KIF6: variants seen among roughly 807,000 people sequenced by gnomAD.
The protein encoded by KIF6 is kinesin-like protein KIF6.
A neutral mutation model predicts 112.7 loss-of-function variants in KIF6; 106 were observed. The ratio of observed to expected loss-of-function variants is 0.94; its 90% CI spans 0.80 to 1.11. KIF6 has a LOEUF of 1.11. Ranked by LOEUF, KIF6 falls within the 50% of genes least tolerant of loss-of-function variation. The probability of loss-of-function intolerance (pLI) is 0.00; values close to 1 mark genes in which losing one functional copy is unlikely to be tolerated. For synonymous variants in KIF6, 339 were observed against 339.9 expected, an observed-to-expected ratio of 1.00 and a Z score of 0.03; for missense variants, 929 against 964.0, an observed-to-expected ratio of 0.96 and a Z score of 0.48.
At chr6:39,651,163 G>A (rs1785447739) in intron 3 of KIF6, among the ~76,000 whole-genome samples, 1 of 152,204 alleles carries the variant, frequency 6.6e-6, no homozygotes, top group Admixed American at 6.5e-5. Flanking sequence ...TAATTAGAGA[G>A]GCCAAGTGAG....
intron 19 of KIF6, among the ~76,000 whole-genome samples, chr6:39,348,233 C>A (rs1311805799): frequency 6.6e-6 from 1 of 152,196 alleles, no homozygotes. Flanking sequence ...TCAGTGGCTT[C>A]CCAGTGGAGC....
chr6:39,411,851 G>A (rs143640873), intron 15 of KIF6, among the ~76,000 whole-genome samples: 535 of 152,326 alleles, frequency 3.5e-3, no homozygotes, highest in Middle Eastern at 0.014. Context: ...AACTAATCTA[G>A]CTTGTTTCCT....
chr6:39,566,734 C>T (rs974170496), intron 10 of KIF6, among the ~76,000 whole-genome samples: 1 of 152,132 alleles, frequency 6.6e-6, no homozygotes, highest in Admixed American at 6.5e-5. Flanking sequence ...ACATATATTG[C>T]ACAATAAATT....
chr6:39,718,737 G>GAAA (rs752779166), intron 2 of KIF6, among the ~76,000 whole-genome samples: 1 of 86,182 alleles, frequency 1.2e-5, no homozygotes, highest in Non-Finnish European at 2.5e-5. Flanking sequence ...ACCTGTCTTA[G>GAAA]AAAAAAAAAA....
intron 6 of KIF6, among the ~76,000 whole-genome samples, chr6:39,598,117 G>A (rs1256875923): frequency 1.4e-4 from 21 of 152,152 alleles, no homozygotes; most frequent in Admixed American, 1.4e-3. Flanking sequence ...AACCCCGGAG[G>A]CAGAGGTTGC....
At chr6:39,500,131 T>A (rs1271281654) in intron 13 of KIF6, among the ~76,000 whole-genome samples, 1 of 152,164 alleles carries the variant, frequency 6.6e-6, no homozygotes, top group African/African-American at 2.4e-5. Context: ...TGTGCTGTAC[T>A]TGAAGTATAA....
chr6:39,483,916 T>C (rs928119055), intron 13 of KIF6, among the ~76,000 whole-genome samples: 1 of 152,100 alleles, frequency 6.6e-6, no homozygotes, highest in Non-Finnish European at 1.5e-5. Flanking sequence ...TGGCCGAGGG[T>C]CAGGAACCAG....
intron 14 of KIF6, 41 bp downstream of exon 14, chr6:39,431,012 C>T: frequency 7.8e-7 from 1 of 1,279,946 alleles, no homozygotes; most frequent in Non-Finnish European, 1.1e-6. Flanking sequence ...GCTGGCCTGG[C>T]TGAGCCTCGG....
chr6:39,395,710 A>G (rs1449997873), intron 15 of KIF6, among the ~76,000 whole-genome samples: 2 of 152,158 alleles, frequency 1.3e-5, no homozygotes, highest in Non-Finnish European at 2.9e-5. Flanking sequence ...GGGGGCATTC[A>G]AATCTCCTCT....
chr6:39,515,358 C>G (rs1461716512), intron 13 of KIF6, among the ~76,000 whole-genome samples: 1 of 152,176 alleles, frequency 6.6e-6, no homozygotes, highest in Non-Finnish European at 1.5e-5. Context: ...CAAAACGGAC[C>G]TTTCCCTGGC....
chr6:39,695,345 GA>G (rs1374870325), intron 3 of KIF6, among the ~76,000 whole-genome samples: 2 of 152,090 alleles, frequency 1.3e-5, no homozygotes, highest in Non-Finnish European at 2.9e-5. Flanking sequence ...CAAAGCAAAA[GA>G]AACTATCAAC....
Position 39,578,146 on chromosome 6 carries a change from A to G in KIF6, c.1091T>C (p.Leu364Pro), listed in dbSNP as rs777538113. 1 of 1,613,118 alleles carries G rather than the reference A, an allele frequency of 6.2e-7. No homozygotes were observed. The highest frequency in any genetic ancestry group is 1.1e-5 in the South Asian group (1 of 91,044). The change falls in exon 10 of 23, where the codon CTA becomes CCA. Residue 364 changes from leucine (L) to proline (P), a missense_variant. By Grantham distance (98) the Leu-to-Pro change is moderately conservative. Around this residue, in one of 2 missense-constraint regions of KIF6, gnomAD observed 688 missense variants for 662.7 expected, o/e 1.04. Coordinates refer to ENST00000287152, the MANE Select transcript of KIF6 (RefSeq NM_145027.6). ...EINPRLVIKR[L>P]QKEIQELKDE... ...CTTCAGTTCCTGGATTTCCTTTTGT[A>G]GGCGTTTAATCACCTACAAATGGCA... is the stretch of plus-strand genomic sequence containing the variant.
chr6:39,499,230 G>A (rs1484524809), intron 13 of KIF6, among the ~76,000 whole-genome samples: 1 of 152,162 alleles, frequency 6.6e-6, no homozygotes, highest in African/African-American at 2.4e-5. Flanking sequence ...GTAGTAGAGA[G>A]CCAGGGCAGG....
intron 10 of KIF6, among the ~76,000 whole-genome samples, chr6:39,555,789 C>T (rs1462985098): frequency 6.6e-6 from 1 of 151,658 alleles, no homozygotes; most frequent in Admixed American, 6.6e-5. Flanking sequence ...CCCGTCTCTA[C>T]TAAAAATACA....
intron 13 of KIF6, among the ~76,000 whole-genome samples, chr6:39,449,150 G>C (rs1362577748): frequency 6.6e-6 from 1 of 152,142 alleles, no homozygotes; most frequent in Non-Finnish European, 1.5e-5. Context: ...AGCCTTGCCA[G>C]CTTCCATTTT....
chr6:39,697,324 G>A (rs938382504), intron 3 of KIF6, among the ~76,000 whole-genome samples: 5 of 152,140 alleles, frequency 3.3e-5, no homozygotes, highest in Admixed American at 3.3e-4. Context: ...ACTGAAGCTA[G>A]TAGAAAGGAC....
chr6:39,567,754 C>G (rs899049058), intron 10 of KIF6, among the ~76,000 whole-genome samples: 6 of 152,144 alleles, frequency 3.9e-5, no homozygotes, highest in Non-Finnish European at 8.8e-5. Context: ...ACTACAGGCA[C>G]CCACCACCGC....
chr6:39,480,015 C>T (rs1327128880), intron 13 of KIF6, among the ~76,000 whole-genome samples: 2 of 152,094 alleles, frequency 1.3e-5, no homozygotes, highest in Non-Finnish European at 2.9e-5. Flanking sequence ...GTTTCACTTC[C>T]TCTTTATCAA....
At chr6:39,492,128 T>C (rs1775512472) in intron 13 of KIF6, among the ~76,000 whole-genome samples, 2 of 152,202 alleles carry the variant, frequency 1.3e-5, no homozygotes, top group Non-Finnish European at 2.9e-5. Flanking sequence ...GTAGTACCTC[T>C]CTGACCCTTT....
Sources: gnomAD v4.1 joint callset for allele counts (sites outside exome capture counted in the v4.1 genomes callset) on GRCh38, gnomAD v4.1.1 for gene constraint, gnomAD v4.1.1 regional missense constraint, MANE v1.5 for transcripts, NCBI Gene and HGNC (gene_info 2026-07-23, HGNC 2026-07-21) for gene names.